RARB: variants seen among roughly 807,000 people sequenced by gnomAD.
RARB encodes HBV-activated protein.
RARB carries 17 observed loss-of-function variants against 51.9 expected under a neutral mutation model. The observed-to-expected ratio is 0.33, with a 90% confidence interval of 0.22 to 0.49. The LOEUF is 0.49. Ranked by LOEUF, RARB falls within the 20% of genes least tolerant of loss-of-function variation. The probability of loss-of-function intolerance (pLI) is 0.99; values close to 1 mark genes in which losing one functional copy is unlikely to be tolerated. For missense variants in RARB, 369 were observed against 550.8 expected, an observed-to-expected ratio of 0.67 and a Z score of 3.30; for synonymous variants, 215 against 195.4, an observed-to-expected ratio of 1.10 and a Z score of -0.84.
chr3:24,958,731 A>G (rs947390575), intron 2 of RARB, among the ~76,000 whole-genome samples: 3 of 152,206 alleles, frequency 2.0e-5, no homozygotes, highest in Non-Finnish European at 4.4e-5. Context: ...TGTTAATCAG[A>G]TGTTTCTTGA....
chr3:25,540,604 C>T (rs1000972795), intron 3 of RARB, among the ~76,000 whole-genome samples: 1 of 152,218 alleles, frequency 6.6e-6, no homozygotes, highest in South Asian at 2.1e-4. Flanking sequence ...TTGTACCCAG[C>T]ATCCCAGCTT....
intron 2 of RARB, among the ~76,000 whole-genome samples, chr3:24,861,001 C>G (rs907709304): frequency 1.3e-5 from 2 of 152,122 alleles, no homozygotes; most frequent in African/African-American, 2.4e-5. Flanking sequence ...CCTATTGATG[C>G]ATTTCTCAGA....
chr3:25,372,834 AAAAAAAG>A (rs1706341750), intron 5 of RARB, among the ~76,000 whole-genome samples: 2 of 152,208 alleles, frequency 1.3e-5, no homozygotes, highest in Admixed American at 6.5e-5. Context: ...TCCAAAAAGG[AAAAAAAG>A]AAAAACGTAA....
At chr3:24,900,241 T>C (rs1030884676) in intron 2 of RARB, among the ~76,000 whole-genome samples, 1 of 152,152 alleles carries the variant, frequency 6.6e-6, no homozygotes, top group African/African-American at 2.4e-5. Context: ...TCCCTGGCTT[T>C]AGGATGAAGG....
At chr3:25,323,217 T>C (rs1704621895) in intron 5 of RARB, among the ~76,000 whole-genome samples, 1 of 152,198 alleles carries the variant, frequency 6.6e-6, no homozygotes, top group Admixed American at 6.5e-5. Flanking sequence ...ACAGCATCAC[T>C]GTCACCACAT....
chr3:25,059,311 C>T (rs1698501847), intron 2 of RARB, among the ~76,000 whole-genome samples: 1 of 151,570 alleles, frequency 6.6e-6, no homozygotes, highest in Admixed American at 6.6e-5. Context: ...TTCCTCAGGG[C>T]ACACTCCTAA....
At chr3:24,946,166 G>T (rs999658740) in intron 2 of RARB, among the ~76,000 whole-genome samples, 1 of 151,198 alleles carries the variant, frequency 6.6e-6, no homozygotes, top group Non-Finnish European at 1.5e-5. Flanking sequence ...TCGGGAGACT[G>T]AGGAAGGAGA....
intron 5 of RARB, among the ~76,000 whole-genome samples, chr3:25,278,658 G>A (rs1457586573): frequency 1.3e-5 from 2 of 152,220 alleles, no homozygotes; most frequent in African/African-American, 2.4e-5. Context: ...TAGAAACCCA[G>A]ATATAGCTTC....
intron 2 of RARB, among the ~76,000 whole-genome samples, chr3:24,864,304 C>G (rs1253056297): frequency 6.6e-6 from 1 of 152,148 alleles, no homozygotes; most frequent in Non-Finnish European, 1.5e-5. Context: ...TCTTATCGAC[C>G]TGGTTCCTTG....
intron 5 of RARB, among the ~76,000 whole-genome samples, chr3:25,293,597 TAAAAAA>T (rs10713675): frequency 2.9e-5 from 2 of 68,660 alleles, no homozygotes; most frequent in Non-Finnish European, 6.1e-5. Flanking sequence ...TTACTCCATT[TAAAAAA>T]AAAAAAAAAA....
intron 5 of RARB, among the ~76,000 whole-genome samples, chr3:25,339,548 C>G (rs147102666): frequency 4.6e-5 from 7 of 151,532 alleles, no homozygotes; most frequent in Non-Finnish European, 1.0e-4. Context: ...GTTTGTTTCT[C>G]AATTAAATTC....
intron 5 of RARB, among the ~76,000 whole-genome samples, chr3:25,358,552 T>C (rs1288340803): frequency 1.3e-5 from 2 of 152,224 alleles, no homozygotes; most frequent in African/African-American, 4.8e-5. Context: ...CATTCTTGTC[T>C]TGTGCTGGTT....
intron 3 of RARB, among the ~76,000 whole-genome samples, chr3:25,116,386 A>G (rs1699687518): frequency 6.6e-6 from 1 of 151,988 alleles, no homozygotes; most frequent in African/African-American, 2.4e-5. Flanking sequence ...TCATGACCTA[A>G]GTAATCCCCA....
intron 4 of RARB, among the ~76,000 whole-genome samples, chr3:25,160,359 A>T (rs1169122257): frequency 6.6e-6 from 1 of 152,204 alleles, no homozygotes; most frequent in Non-Finnish European, 1.5e-5. Context: ...TTACCTCTTG[A>T]CATTACTTTG....
intron 2 of RARB, among the ~76,000 whole-genome samples, chr3:25,018,472 A>G (rs1444517269): frequency 2.0e-5 from 3 of 152,180 alleles, no homozygotes; most frequent in East Asian, 3.9e-4. Context: ...GAATGTTAGC[A>G]TCTTGACAAT....
chr3:25,443,624 A>T (rs184415741), intron 1 of RARB, among the ~76,000 whole-genome samples: 4,698 of 34,076 alleles, frequency 0.14, 96 homozygotes, highest in Middle Eastern at 0.32. Context: ...AATATATATA[A>T]AAAAAAAAAA....
At chr3:25,434,288 C>A (rs183574520) in intron 1 of RARB, among the ~76,000 whole-genome samples, 2 of 151,986 alleles carry the variant, frequency 1.3e-5, no homozygotes, top group Non-Finnish European at 2.9e-5. Context: ...TTGAAGAGAA[C>A]AAAGAAAAAC....
At chr3:24,973,503 A>G in intron 2 of RARB, among the ~76,000 whole-genome samples, 1 of 152,034 alleles carries the variant, frequency 6.6e-6, no homozygotes, top group Non-Finnish European at 1.5e-5. Context: ...TATGGAGAAT[A>G]TAACTCATAT....
At chr3:25,423,566 T>C (rs1213050078), upstream of RARB, among the ~76,000 whole-genome samples, 5 of 152,222 alleles carry the variant, frequency 3.3e-5, no homozygotes, top group Non-Finnish European at 5.9e-5. Flanking sequence ...CCAGTTAAGA[T>C]GCCTGGCACA....
Sources: allele counts gnomAD v4.1 joint callset (sites outside exome capture counted in the v4.1 genomes callset), GRCh38; gene constraint gnomAD v4.1.1; transcripts MANE v1.5; gene names NCBI Gene and HGNC (gene_info 2026-07-23, HGNC 2026-07-21).